The following WNT9B variants were observed in gnomAD, a reference collection of about 807,000 sequenced individuals.
WNT9B encodes protein Wnt-9b.
In WNT9B, 12 loss-of-function variants were observed where a neutral mutation model predicts 30.2. The ratio of observed to expected loss-of-function variants is 0.40; its 90% CI spans 0.26 to 0.64. The LOEUF (loss-of-function observed/expected upper bound fraction) is 0.64, where lower values mean the gene tolerates loss of function less well. Among genes scored for constraint, WNT9B ranks in the 30% least tolerant of loss-of-function variants. WNT9B has a pLI of 0.42. For missense variants in WNT9B, 442 were observed against 485.2 expected, an observed-to-expected ratio of 0.91 and a Z score of 0.84; for synonymous variants, 218 against 216.9, an observed-to-expected ratio of 1.01 and a Z score of -0.05.
intron 1 of WNT9B, among the ~76,000 whole-genome samples, chr17:46,859,746 G>C (rs2085002575): frequency 6.6e-6 from 1 of 152,136 alleles, no homozygotes; most frequent in African/African-American, 2.4e-5. Context: ...CTAGGATTTT[G>C]ACTGGGATTG....
chr17:46,861,289 T>G (rs1195350143), intron 1 of WNT9B, among the ~76,000 whole-genome samples: 1 of 152,194 alleles, frequency 6.6e-6, no homozygotes, highest in African/African-American at 2.4e-5. Flanking sequence ...TGTAGTTTCC[T>G]TTAGTAGAGA....
At chr17:46,837,090 T>C (rs573492616) in intron 1 of WNT9B, among the ~76,000 whole-genome samples, 1 of 152,044 alleles carries the variant, frequency 6.6e-6, no homozygotes, top group Non-Finnish European at 1.5e-5. Flanking sequence ...CTACAGGCAC[T>C]CGCCACCATG....
chr17:46,876,475 G>A lies in WNT9B; in HGVS notation c.831G>A (p.Arg277=). Residue 277 remains arginine (R), a synonymous_variant, in exon 4 of 4, where the codon AGG becomes AGA. Coordinates refer to ENST00000290015, the MANE Select transcript of WNT9B (RefSeq NM_003396.3). The part of the protein sequence containing the change: ...QGSLTKGLAP[R]SGDLVYMEDS... ...GCCTCACCAAAGGCCTGGCCCCAAGGTCTGGGGACCTGGTGTACATGGAGG... is the reference window on the plus strand; with the variant it reads ...GCCTCACCAAAGGCCTGGCCCCAAGATCTGGGGACCTGGTGTACATGGAGG... 6.2e-7 allele frequency: 1 copy of A among 1,613,676 alleles called. No individual in the cohort carries two copies. The highest frequency in any genetic ancestry group is 1.1e-5 in the South Asian group (1 of 91,086).
chr17:46,874,950 T>C, intron 2 of WNT9B, 151 bp from the exon 3 acceptor site: 1 of 1,221,826 alleles, frequency 8.2e-7, no homozygotes, highest in Non-Finnish European at 1.2e-6. Context: ...CACCCGGAGC[T>C]GTGTCCTCAA....
At chr17:46,867,949 G>A (rs960058421) in intron 1 of WNT9B, among the ~76,000 whole-genome samples, 15 of 152,290 alleles carry the variant, frequency 9.8e-5, no homozygotes, top group South Asian at 6.2e-4. Flanking sequence ...ATGGGGTGAA[G>A]GTGCAGAGAA....
intron 1 of WNT9B, among the ~76,000 whole-genome samples, chr17:46,840,375 G>A (rs952960848): frequency 2.0e-5 from 3 of 152,130 alleles, no homozygotes; most frequent in South Asian, 2.1e-4. Flanking sequence ...CGCGAGCCAC[G>A]GTGCCCAGCC....
intron 1 of WNT9B, among the ~76,000 whole-genome samples, chr17:46,866,009 T>C (rs2085127654): frequency 6.6e-6 from 1 of 151,890 alleles, no homozygotes; most frequent in Non-Finnish European, 1.5e-5. Context: ...GTGGAGAGAG[T>C]TGGGCATAAA....
upstream of WNT9B, among the ~76,000 whole-genome samples, chr17:46,849,849 C>CTTTTTTTTTTT (rs761797393): frequency 1.4e-5 from 2 of 145,750 alleles, no homozygotes. Context: ...CATTTAATAT[C>CTTTTTTTTTTT]TTTTTTTTTT....
intron 1 of WNT9B, among the ~76,000 whole-genome samples, chr17:46,842,953 G>A (rs931316703): frequency 2.6e-5 from 4 of 152,182 alleles, no homozygotes; most frequent in African/African-American, 9.7e-5. Context: ...AGGTCGCAGA[G>A]GAAGCCAGAG....
intron 1 of WNT9B, among the ~76,000 whole-genome samples, chr17:46,839,674 C>T (rs2084676104): frequency 6.6e-6 from 1 of 152,098 alleles, no homozygotes; most frequent in Admixed American, 6.5e-5. Flanking sequence ...CAATGCTCTC[C>T]CTCCCCCAGT....
intron 1 of WNT9B, among the ~76,000 whole-genome samples, chr17:46,854,123 G>GA (rs2084901325): frequency 6.6e-6 from 1 of 152,170 alleles, no homozygotes; most frequent in African/African-American, 2.4e-5. Context: ...GATGCTCAGA[G>GA]AATCAGCTAA....
rs371536119 is a variant in WNT9B at position 46,868,646 on chromosome 17, T to C, written c.78-3871T>C. Among the ~76,000 whole-genome samples the C allele has an allele frequency of 5.9e-5, 9 of 152,142 alleles. No individual in the cohort carries two copies. The East Asian group carries it at 1.7e-3, about 29-fold the overall frequency. On this transcript the variant is annotated intron_variant, in intron 1 of 3. Coordinates refer to ENST00000290015, the MANE Select transcript of WNT9B (RefSeq NM_003396.3). ...AAAAACACCAAAATAAACACATTTTTCTGGGTTCATAAGACTAAGGAAGCC... is the reference window on the plus strand; with the variant it reads ...AAAAACACCAAAATAAACACATTTTCCTGGGTTCATAAGACTAAGGAAGCC...
At chr17:46,868,412 C>T (rs375025392) in intron 1 of WNT9B, among the ~76,000 whole-genome samples, 4 of 151,662 alleles carry the variant, frequency 2.6e-5, no homozygotes, top group Admixed American at 6.6e-5. Flanking sequence ...GCCAACATGG[C>T]GAAACCCCAT....
rs2085265132 is a variant in WNT9B, at chr17:46,872,501, C to G, written c.78-16C>G. The stretch of plus-strand genomic sequence containing the variant: ...TCCCCAAGGCTCACCTGTCTCCCTC[C>G]TCTCGCTCTCTCTAGCCTGACCGGG... On this transcript the variant is annotated splice_polypyrimidine_tract_variant and intron_variant, in intron 1 of 3. Coordinates refer to ENST00000290015, the MANE Select transcript of WNT9B (RefSeq NM_003396.3). 2 of 1,475,668 alleles carry G rather than the reference C, an allele frequency of 1.4e-6. No homozygotes were observed. Among genetic ancestry groups the G allele is most frequent in the South Asian group, 1.4e-5 (1 of 69,256 alleles). 91.4% of individuals were successfully genotyped at this position (1,475,668 alleles called of 1,614,324 possible).
rs1214509514 is a variant in WNT9B at position 46,879,006 on chromosome 17, G to GCC, written c.*2291_*2292dup. On this transcript the variant is annotated 3_prime_UTR_variant, in exon 4 of 4. Coordinates refer to ENST00000290015, the MANE Select transcript of WNT9B (RefSeq NM_003396.3). ...GAAGACCCACCTCGGCCCTCTTGGG[G>GCC]CCCCTGGGGACTAGAGTGACCACTG... Among the ~76,000 whole-genome samples the GCC allele has an allele frequency of 6.6e-6, 1 of 152,142 alleles. No individual in the cohort carries two copies. The highest frequency in any genetic ancestry group is 1.5e-5 in the Non-Finnish European group (1 of 68,016).
At chr17:46,856,798 A>G (rs1014194507) in intron 1 of WNT9B, among the ~76,000 whole-genome samples, 4 of 152,206 alleles carry the variant, frequency 2.6e-5, no homozygotes, top group Non-Finnish European at 5.9e-5. Flanking sequence ...CATGCATTTT[A>G]AATTGCACAG....
intron 1 of WNT9B, among the ~76,000 whole-genome samples, chr17:46,869,211 A>G (rs948198306): frequency 6.6e-6 from 1 of 152,198 alleles, no homozygotes; most frequent in African/African-American, 2.4e-5. Context: ...CATTACCACT[A>G]ATAAAATTAA....
At chr17:46,871,117 C>T (rs950964573) in intron 1 of WNT9B, among the ~76,000 whole-genome samples, 3 of 151,990 alleles carry the variant, frequency 2.0e-5, no homozygotes, top group African/African-American at 7.2e-5. Flanking sequence ...TGCTGTCACA[C>T]AGGCTGCTCT....
downstream of WNT9B, among the ~76,000 whole-genome samples, chr17:46,883,188 T>C (rs1159057796): frequency 6.6e-6 from 1 of 151,928 alleles, no homozygotes; most frequent in African/African-American, 2.4e-5. Context: ...TTCACCACGT[T>C]AGCCAGGATG....
Sources: gnomAD v4.1 joint callset for allele counts (sites outside exome capture counted in the v4.1 genomes callset) on GRCh38, gnomAD v4.1.1 for gene constraint, MANE v1.5 for transcripts, NCBI Gene and HGNC (gene_info 2026-07-23, HGNC 2026-07-21) for gene names.